Variants in CCDC32 observed in about 807,000 individuals in gnomAD.
The protein encoded by CCDC32 is coiled-coil domain-containing protein 32.
CCDC32 carries 9 observed loss-of-function variants against 20.1 expected under a neutral mutation model. The observed-to-expected ratio is 0.45, with a 90% confidence interval of 0.27 to 0.78. The LOEUF (loss-of-function observed/expected upper bound fraction) is 0.78. CCDC32 is among the 30% of genes least tolerant of loss of function. The pLI, the probability that CCDC32 is intolerant of heterozygous loss-of-function variation, is 0.16. For synonymous variants in CCDC32, 63 were observed against 79.0 expected (o/e 0.80, Z 1.07); for missense variants, 204 against 215.5 (o/e 0.95, Z 0.33).
At chr15:40,538,838 A>G (rs999395745), downstream of CCDC32, 8 of 173,032 alleles carry the variant, frequency 4.6e-5, no homozygotes, top group African/African-American at 1.4e-4. Context: ...GCAATATGGA[A>G]AAGGTGACAT....
intron 3 of CCDC32, among the ~76,000 whole-genome samples, chr15:40,555,769 ACTT>A (rs894311293): frequency 2.6e-5 from 4 of 152,340 alleles, no homozygotes; most frequent in African/African-American, 7.2e-5. Context: ...CGGCAGCAGT[ACTT>A]CTTCTGATAT....
chr15:40,559,500 C>G (rs2141649983), intron 2 of CCDC32, among the ~76,000 whole-genome samples: 1 of 152,314 alleles, frequency 6.6e-6, no homozygotes, highest in South Asian at 2.1e-4. Context: ...TAAACAGATG[C>G]TTTGGCTACC....
chr15:40,545,330 G>GCA (rs140022193), intron 3 of CCDC32, among the ~76,000 whole-genome samples: 21 of 151,752 alleles, frequency 1.4e-4, no homozygotes, highest in South Asian at 2.1e-4. Context: ...GCTTTCTTCT[G>GCA]CACACATACA....
At chr15:40,538,924 T>TG, downstream of CCDC32, 1 of 386,552 alleles carries the variant, frequency 2.6e-6, no homozygotes, top group Non-Finnish European at 4.8e-6. Flanking sequence ...CGCTGCCAAC[T>TG]GGGGGCCTGA....
intron 3 of CCDC32, chr15:40,539,358 A>G (rs760103159): frequency 3.3e-6 from 5 of 1,535,192 alleles, no homozygotes; most frequent in Middle Eastern, 1.7e-4. Context: ...TACAGGGCCT[A>G]TGGGAATAAG....
Position 40,564,833 on chromosome 15 carries a change from C to G in CCDC32, c.-13+143G>C, listed in dbSNP as rs974701374. ...AGAACCACGCAGGAAATTCCGGCGT[C>G]CAGATCCCAGGCCTCAGTCGCTCAG... On this transcript the variant is annotated intron_variant, in intron 1 of 3. Transcript: ENST00000416810. The G allele has an allele frequency of 2.5e-6, 4 of 1,611,972 alleles. No individual in the cohort carries two copies. In the African/African-American group the frequency reaches 5.3e-5, roughly 22 times the overall value.
At chr15:40,558,501 A>G (rs1890400314) in intron 2 of CCDC32, among the ~76,000 whole-genome samples, 1 of 152,152 alleles carries the variant, frequency 6.6e-6, no homozygotes, top group Admixed American at 6.5e-5. Context: ...AATAAAAACA[A>G]TCTTCATATT....
At chr15:40,530,413 TCTCA>T (rs1413659972), downstream of CCDC32, among the ~76,000 whole-genome samples, 3 of 150,718 alleles carry the variant, frequency 2.0e-5, 1 homozygote, top group Non-Finnish European at 4.4e-5. Context: ...GTGAGTGAGC[TCTCA>T]CTCTGAGTTC....
downstream of CCDC32, chr15:40,532,403 C>A: frequency 3.0e-6 from 2 of 669,722 alleles, no homozygotes; most frequent in South Asian, 1.6e-5. Flanking sequence ...ACCCGTCTTA[C>A]TGCTGCTACT....
In CCDC32 at chr15:40,553,491, A is replaced by T; in HGVS notation, c.*480T>A. ...GGCTTGGATTCAAGGAGCAGACTTCACTCTTACTGGCCCCACTCACGTGAC... is the reference window on the plus strand; with the variant it reads ...GGCTTGGATTCAAGGAGCAGACTTCTCTCTTACTGGCCCCACTCACGTGAC... On this transcript the variant is annotated 3_prime_UTR_variant, in exon 4 of 4. Coordinates refer to ENST00000416810, the MANE Select transcript of CCDC32 (RefSeq NM_001080792.4). 1.0e-6 allele frequency: 1 copy of T among 986,352 alleles called. No individual in the cohort carries two copies. Among genetic ancestry groups the T allele is most frequent in the Non-Finnish European group, 1.2e-6 (1 of 830,644 alleles). The allele number at this position is 986,352 out of a possible 1,614,324, so 61.1% of individuals were successfully genotyped here.
chr15:40,540,310 G>A (rs1439434153), intron 3 of CCDC32, among the ~76,000 whole-genome samples: 1 of 151,878 alleles, frequency 6.6e-6, no homozygotes, highest in African/African-American at 2.4e-5. Flanking sequence ...TTTGAGGGAG[G>A]CTTCTCAGGG....
rs60438611 is a variant in CCDC32, at chr15:40,553,905, CGTGTGTGTGTGT to C, written c.*54_*65del. 0.012 allele frequency: 17,553 copies of C among 1,415,310 alleles called. 405 individuals are homozygous for C. The highest frequency in any genetic ancestry group is 0.053 in the East Asian group (1,604 of 30,014). 87.7% of individuals were successfully genotyped at this position (1,415,310 alleles called of 1,614,324 possible). A position where few individuals can be genotyped will look rare whatever the true frequency, so the allele number is the denominator to read the frequency against. On this transcript the variant is annotated 3_prime_UTR_variant, in exon 4 of 4. Coordinates refer to ENST00000416810, the MANE Select transcript of CCDC32 (RefSeq NM_001080792.4). ...CTCTGGACCCGAGACAGCTGCTCGGCGTGTGTGTGTGTGTGTGTGTGTGTGTGTGTGTGTGTG... is the reference window on the plus strand; with the variant it reads ...CTCTGGACCCGAGACAGCTGCTCGGCGTGTGTGTGTGTGTGTGTGTGTGTG...
downstream of CCDC32, among the ~76,000 whole-genome samples, chr15:40,527,438 T>C (rs912510712): frequency 6.6e-6 from 1 of 152,264 alleles, no homozygotes; most frequent in African/African-American, 2.4e-5. Context: ...CCCAAGGTGC[T>C]GGGATTACAG....
intron 3 of CCDC32, among the ~76,000 whole-genome samples, chr15:40,541,822 G>A (rs984758437): frequency 4.6e-5 from 7 of 152,190 alleles, no homozygotes; most frequent in Non-Finnish European, 1.0e-4. Flanking sequence ...GCACAAGAGC[G>A]ACCTTTTTGT....
At chr15:40,545,212 G>C (rs905414839) in intron 3 of CCDC32, among the ~76,000 whole-genome samples, 1 of 152,174 alleles carries the variant, frequency 6.6e-6, no homozygotes, top group African/African-American at 2.4e-5. Flanking sequence ...ATTCTGCTAA[G>C]CCAATATTTG....
chr15:40,535,348 T>G, downstream of CCDC32: 2 of 1,171,392 alleles, frequency 1.7e-6, no homozygotes, highest in Non-Finnish European at 2.1e-6. Flanking sequence ...TAGCATCTGT[T>G]TTAAAGTCTG....
At chr15:40,539,882 C>CACACACACACACACACACACACACACA (rs1555413885) in intron 3 of CCDC32, among the ~76,000 whole-genome samples, 1 of 67,194 alleles carries the variant, frequency 1.5e-5, no homozygotes, top group Admixed American at 1.9e-4. Context: ...ACACACACAC[C>CACACACACACACACACACACACACACA]CCGCTCCTTG....
the CCDC32 span, among the ~76,000 whole-genome samples, chr15:40,523,504 CAAA>C: frequency 1.0e-4 from 9 of 88,520 alleles, no homozygotes; most frequent in Non-Finnish European, 6.3e-5. Context: ...AACTCCATCT[CAAA>C]AAAAAAAAAA....
chr15:40,561,619 G>A (rs541266778), intron 2 of CCDC32, among the ~76,000 whole-genome samples: 1 of 152,198 alleles, frequency 6.6e-6, no homozygotes, highest in East Asian at 1.9e-4. Context: ...CTTGGGTGAT[G>A]GGTGCACTAA....
Sources: allele counts gnomAD v4.1 joint callset (sites outside exome capture counted in the v4.1 genomes callset), GRCh38; gene constraint gnomAD v4.1.1; transcripts MANE v1.5; gene names NCBI Gene and HGNC (gene_info 2026-07-23, HGNC 2026-07-21).